Variants in PPRC1 observed in about 807,000 individuals in gnomAD.
PPRC1 encodes the protein PPARG related coactivator 1.
PPRC1 carries 23 observed loss-of-function variants against 132.5 expected under a neutral mutation model. That is an observed-to-expected ratio of 0.17 (90% CI 0.12 to 0.25). The LOEUF (loss-of-function observed/expected upper bound fraction) is 0.25, where lower values mean the gene tolerates loss of function less well. PPRC1 is among the 10% of genes least tolerant of loss of function. The pLI is 1.00. For missense variants in PPRC1, 2,006 were observed against 2,089.1 expected (o/e 0.96, Z 0.78); for synonymous variants, 872 against 833.5 (o/e 1.05, Z -0.80).
chr10:102,149,731 A>C (rs1292138701), intron 13 of PPRC1, among the ~76,000 whole-genome samples, 195 bp from the exon 14 acceptor site: 18 of 35,054 alleles, frequency 5.1e-4, no homozygotes, highest in African/African-American at 3.3e-3. Flanking sequence ...GACTGTCTCA[A>C]AAAAAAAAAA....
the PPRC1 span, among the ~76,000 whole-genome samples, chr10:102,120,722 G>C: frequency 1.3e-5 from 2 of 152,210 alleles, no homozygotes; most frequent in Admixed American, 1.3e-4. Context: ...GAAGGGGAGG[G>C]CTTGGAGGCG....
Position 102,139,468 on chromosome 10 carries a change from C to T in PPRC1, c.960C>T (p.Leu320=). 3 of 1,614,070 alleles carry T rather than the reference C, an allele frequency of 1.9e-6. No individual in the cohort carries two copies. Among genetic ancestry groups the T allele is most frequent in the East Asian group, 2.2e-5 (1 of 44,886 alleles). Reference sequence around the variant, plus strand: ...TGCACCCATACTGCCTGCCCAACCTCACCCACCTGGCATCACTTGAGGATG... The same window carrying T: ...TGCACCCATACTGCCTGCCCAACCTTACCCACCTGGCATCACTTGAGGATG... ...RAMHPYCLPN[L]THLASLEDEL... Residue 320 remains leucine (L), a synonymous_variant, in exon 5 of 14, where the codon CTC becomes CTT. Coordinates refer to ENST00000278070, the MANE Select transcript of PPRC1 (RefSeq NM_015062.5).
the PPRC1 span, among the ~76,000 whole-genome samples, chr10:102,127,952 GT>G: frequency 6.6e-6 from 1 of 152,180 alleles, no homozygotes; most frequent in Non-Finnish European, 1.5e-5. Flanking sequence ...GCCTCCTAAA[GT>G]ATTGGGATTA....
rs530735952 is a variant in PPRC1 at position 102,142,221 on chromosome 10, G to A, written c.3496+217G>A. Reference sequence around the variant, plus strand: ...AGGTTCAAGCAATTCTCCTGCCTCAGCCTCCCAAGTAGCTGGGACTACAGG... The same window carrying A: ...AGGTTCAAGCAATTCTCCTGCCTCAACCTCCCAAGTAGCTGGGACTACAGG... On this transcript the variant is annotated intron_variant, in intron 5 of 13. Coordinates refer to ENST00000278070, the MANE Select transcript of PPRC1 (RefSeq NM_015062.5). 2.0e-5 allele frequency among the ~76,000 whole-genome samples: 3 copies of A among 151,776 alleles called. No individual in the cohort carries two copies. The East Asian group carries it at 5.8e-4, about 29-fold the overall frequency.
In PPRC1 at chr10:102,147,048, G is replaced by T. The variant is rs761121504; in HGVS notation, c.4056G>T (p.Glu1352Asp). 5.0e-6 allele frequency: 8 copies of T among 1,614,168 alleles called. No homozygotes were observed. The South Asian group carries it at 8.8e-5, about 18-fold the overall frequency. Reference sequence around the variant, plus strand: ...CCCCATGCATAGCTGCCTCCCGGGAGCCGCTTGATCACAGGACTAGCAGTG... The same window carrying T: ...CCCCATGCATAGCTGCCTCCCGGGATCCGCTTGATCACAGGACTAGCAGTG... ...PPPPCIAASR[E>D]PLDHRTSSEQ... Residue 1352 changes from glutamate (E) to aspartate (D), a missense_variant, in exon 9 of 14, where the codon GAG becomes GAT. By Grantham distance (45) the Glu-to-Asp change is conservative. This residue lies in a region of PPRC1 where 1,914 missense variants were observed against 1,917.2 expected (regional missense o/e 1.00). Transcript: ENST00000278070.
chr10:102,147,017 C>T lies in PPRC1; in HGVS notation c.4025C>T (p.Pro1342Leu), dbSNP rs576389908. ...GTCTTGTCCTTGGGCCCAGCTGCCCCTCCGCCCCCATGCATAGCTGCCTCC... is the reference window on the plus strand; with the variant it reads ...GTCTTGTCCTTGGGCCCAGCTGCCCTTCCGCCCCCATGCATAGCTGCCTCC... ...KPVLSLGPAA[P>L]PPPCIAASRE... Residue 1342 changes from proline (P) to leucine (L), a missense_variant, in exon 9 of 14, where the codon CCT becomes CTT. By Grantham distance (98) the Pro-to-Leu change is moderately conservative (BLOSUM62 -3). This residue lies in a region of PPRC1 where 1,914 missense variants were observed against 1,917.2 expected (regional missense o/e 1.00). Transcript: ENST00000278070. 4 of 1,614,166 alleles carry T rather than the reference C, an allele frequency of 2.5e-6. No individual in the cohort carries two copies. In the Admixed American group the frequency reaches 5.0e-5, roughly 20 times the overall value.
chr10:102,124,205 A>G, the PPRC1 span, among the ~76,000 whole-genome samples: 10 of 151,974 alleles, frequency 6.6e-5, no homozygotes, highest in African/African-American at 1.7e-4. Context: ...AGCTAGGATT[A>G]CAGGCACCAC....
At chr10:102,127,043 A>T in the PPRC1 span, among the ~76,000 whole-genome samples, 3 of 57,682 alleles carry the variant, frequency 5.2e-5, no homozygotes, top group African/African-American at 7.5e-5. Context: ...ATATATATAT[A>T]TATATATATA....
intron 13 of PPRC1, 55 bp from the exon 14 acceptor site, chr10:102,149,871 C>T: frequency 1.5e-6 from 2 of 1,360,758 alleles, no homozygotes; most frequent in South Asian, 1.2e-5. Context: ...CATTTGCAGA[C>T]CCTGTGGTTG....
intron 1 of PPRC1, among the ~76,000 whole-genome samples, chr10:102,133,464 G>T (rs369844157): frequency 6.6e-6 from 1 of 152,240 alleles, no homozygotes. Context: ...CATAACCCGC[G>T]GCTGGGGGTC....
chr10:102,131,327 C>G (rs781118872), upstream of PPRC1, among the ~76,000 whole-genome samples: 22 of 151,642 alleles, frequency 1.5e-4, no homozygotes, highest in African/African-American at 1.9e-4. Flanking sequence ...TGCCACGGCA[C>G]TCTTGCTCAC....
In PPRC1 at chr10:102,144,152, A is replaced by G; in HGVS notation, c.3551-98A>G. ...ATCCCAACAGGGAATATGTAGGCAA[A>G]GTGGATTTTCCTCCTTTGGGTCTCA... On this transcript the variant is annotated intron_variant, in intron 6 of 13. Transcript: ENST00000278070. 6 of 1,170,680 alleles carry G rather than the reference A, an allele frequency of 5.1e-6. No individual in the cohort carries two copies. In the South Asian group the frequency reaches 7.4e-5, roughly 14 times the overall value. 72.5% of individuals were successfully genotyped at this position (1,170,680 alleles called of 1,614,324 possible). A position where few individuals can be genotyped will look rare whatever the true frequency, so the allele number is the denominator to read the frequency against.
chr10:102,148,781 A>G lies in PPRC1; in HGVS notation c.4618-36A>G, dbSNP rs777409886. The G allele has an allele frequency of 8.7e-6, 14 of 1,614,018 alleles. No homozygotes were observed. Among genetic ancestry groups the G allele is most frequent in the Non-Finnish European group, 8.5e-7 (1 of 1,180,016 alleles). ...GCTGCCTGCAGCTGTAGCCCTGGCT[A>G]ATGGTGTGTTGATTTTTTTTCATTT... is the stretch of plus-strand genomic sequence containing the variant. On this transcript the variant is annotated intron_variant, in intron 11 of 13. Coordinates refer to ENST00000278070, the MANE Select transcript of PPRC1 (RefSeq NM_015062.5). The surrounding 1 kb of genome is among the most constrained non-coding windows in gnomAD (Gnocchi z 4.2).
chr10:102,120,715 G>C, the PPRC1 span, among the ~76,000 whole-genome samples: 1 of 152,208 alleles, frequency 6.6e-6, no homozygotes, highest in Non-Finnish European at 1.5e-5. Context: ...GGAGGGCGAA[G>C]GGGAGGGCTT....
the PPRC1 span, among the ~76,000 whole-genome samples, chr10:102,122,829 G>A: frequency 1.3e-5 from 2 of 152,174 alleles, no homozygotes; most frequent in Non-Finnish European, 2.9e-5. Context: ...ACTTGAGCAT[G>A]CACTAATGCC....
chr10:102,129,722 A>G (rs2068513878), upstream of PPRC1, among the ~76,000 whole-genome samples: 1 of 152,104 alleles, frequency 6.6e-6, no homozygotes, highest in African/African-American at 2.4e-5. Context: ...TCCCTGCCTC[A>G]GCCTCCTGAG....
In PPRC1 at chr10:102,139,740, A is replaced by C; in HGVS notation, c.1232A>C (p.Lys411Thr). The C allele has an allele frequency of 6.2e-7, 1 of 1,614,152 alleles. No homozygotes were observed. The highest frequency in any genetic ancestry group is 8.5e-7 in the Non-Finnish European group (1 of 1,180,030). Residue 411 changes from lysine to threonine, a missense_variant, in exon 5 of 14, where the codon AAA (lysine) becomes ACA (threonine). By Grantham distance (78) the Lys-to-Thr change is moderately conservative. Transcript: ENST00000278070. The stretch of plus-strand genomic sequence containing the variant: ...CCCAAGGTAACCCTCTGCTCTGAGA[A>C]AGAGGGGTTGTCATTGAACTCAGAG... Reference protein sequence around the residue: ...AVPKVTLCSEKEGLSLNSEEK... With the variant: ...AVPKVTLCSETEGLSLNSEEK...
At position 102,141,243 on chromosome 10, in the gene PPRC1, A is replaced by C. The variant is rs763224060; in HGVS notation, c.2735A>C (p.Asp912Ala). 6.2e-7 allele frequency: 1 copy of C among 1,613,426 alleles called. No individual in the cohort carries two copies. The highest frequency in any genetic ancestry group is 8.5e-7 in the Non-Finnish European group (1 of 1,179,832). The change falls in exon 5 of 14, where the codon GAT becomes GCT. Residue 912 changes from aspartate to alanine, a missense_variant. Asp to Ala is a moderately radical substitution (Grantham distance 126). Coordinates refer to ENST00000278070, the MANE Select transcript of PPRC1 (RefSeq NM_015062.5). The stretch of plus-strand genomic sequence containing the variant: ...TTGTCTATGGGGCCAGTACTACCTG[A>C]TCCGTTTACTCACTATGCCCCCTTG... ...LPLSMGPVLP[D>A]PFTHYAPLPS...
chr10:102,128,379 T>C (rs2068494431), upstream of PPRC1, among the ~76,000 whole-genome samples: 1 of 151,332 alleles, frequency 6.6e-6, no homozygotes, highest in Non-Finnish European at 1.5e-5. Context: ...ACCTCCCACA[T>C]TTGATCTGCC....
Sources: gnomAD v4.1 joint callset for allele counts (sites outside exome capture counted in the v4.1 genomes callset) on GRCh38, gnomAD v4.1.1 for gene constraint, gnomAD v4.1.1 regional missense constraint, Gnocchi (gnomAD v3.1) non-coding constraint, MANE v1.5 for transcripts, NCBI Gene and HGNC (gene_info 2026-07-23, HGNC 2026-07-21) for gene names.